Variants in C12orf50 observed in about 807,000 individuals in gnomAD.
C12orf50 encodes the protein uncharacterized protein C12orf50.
Under a neutral mutation model 61.6 loss-of-function variants are expected in C12orf50, and 35 were observed. The ratio of observed to expected loss-of-function variants is 0.57; its 90% CI spans 0.43 to 0.75. The LOEUF (loss-of-function observed/expected upper bound fraction) is 0.75. C12orf50 is among the 30% of genes least tolerant of loss of function. C12orf50 has a pLI of 0.00. For synonymous variants in C12orf50, 178 were observed against 161.5 expected (o/e 1.10, Z -0.77); for missense variants, 475 against 488.5 (o/e 0.97, Z 0.26).
chr12:88,017,438 TA>T, intron 3 of C12orf50, among the ~76,000 whole-genome samples: 1 of 152,332 alleles, frequency 6.6e-6, no homozygotes, highest in Non-Finnish European at 1.5e-5. Context: ...CTTTCTTTTG[TA>T]AATTGCTCAG....
intron 4 of C12orf50, 39 bp downstream of exon 4, chr12:87,997,996 T>C: frequency 6.5e-7 from 1 of 1,537,276 alleles, no homozygotes; most frequent in South Asian, 1.2e-5. Flanking sequence ...TGTGAGGTTT[T>C]TGAATGTGTA....
intron 3 of C12orf50, among the ~76,000 whole-genome samples, chr12:87,998,949 CAA>C (rs1257699138): frequency 1.3e-5 from 2 of 152,132 alleles, no homozygotes; most frequent in East Asian, 3.8e-4. Flanking sequence ...ACATTAGAAA[CAA>C]AAATTCATGC....
chr12:88,020,159 C>T (rs775229498), intron 3 of C12orf50, among the ~76,000 whole-genome samples: 1 of 152,166 alleles, frequency 6.6e-6, no homozygotes, highest in Non-Finnish European at 1.5e-5. Context: ...CAGCTAACAA[C>T]ATGATGACAG....
At chr12:88,009,608 C>G (rs2032021580) in intron 3 of C12orf50, among the ~76,000 whole-genome samples, 2 of 152,028 alleles carry the variant, frequency 1.3e-5, no homozygotes, top group South Asian at 4.1e-4. Context: ...GCTAAAGATG[C>G]TGCTAAACAA....
chr12:87,983,808 G>A (rs1161328936), intron 11 of C12orf50: 7 of 126,982 alleles, frequency 5.5e-5, no homozygotes, highest in Middle Eastern at 4.2e-3. Context: ...CATTTGGGTC[G>A]GTTCCAAGTC....
chr12:88,010,726 G>C (rs934076730), intron 3 of C12orf50, among the ~76,000 whole-genome samples: 1 of 151,776 alleles, frequency 6.6e-6, no homozygotes, highest in Non-Finnish European at 1.5e-5. Context: ...ATACATATCA[G>C]AAGGAGAAAG....
intron 3 of C12orf50, among the ~76,000 whole-genome samples, chr12:88,003,939 T>A (rs951388953): frequency 2.0e-5 from 3 of 152,144 alleles, no homozygotes; most frequent in Admixed American, 6.5e-5. Flanking sequence ...GTTCATCTTT[T>A]TTTTCATTTA....
Position 88,004,497 on chromosome 12 carries a change from T to A in C12orf50, c.134-6307A>T, listed in dbSNP as rs2031778324. 3.9e-5 allele frequency among the ~76,000 whole-genome samples: 6 copies of A among 152,298 alleles called. No homozygotes were observed. In the South Asian group the frequency reaches 1.0e-3, roughly 26 times the overall value. ...TTGTGGAGAGCAGTTTGGCAATTTC[T>A]CAAAGAACTTAAAACAGAAATACCA... is the stretch of plus-strand genomic sequence containing the variant. On this transcript the variant is annotated intron_variant, in intron 3 of 12. Transcript: ENST00000298699.
At chr12:88,022,777 A>G (rs780647481) in intron 3 of C12orf50, among the ~76,000 whole-genome samples, 14 of 152,198 alleles carry the variant, frequency 9.2e-5, no homozygotes, top group Non-Finnish European at 8.8e-5. Flanking sequence ...AGAATAATAT[A>G]TCTAGGAATA....
At chr12:88,010,190 G>A (rs1157729018) in intron 3 of C12orf50, among the ~76,000 whole-genome samples, 1 of 151,836 alleles carries the variant, frequency 6.6e-6, no homozygotes, top group Non-Finnish European at 1.5e-5. Context: ...TTTATCCTGT[G>A]GCCAGTGCTA....
chr12:88,016,228 T>C (rs558293444), intron 3 of C12orf50, among the ~76,000 whole-genome samples: 2 of 152,340 alleles, frequency 1.3e-5, no homozygotes, highest in African/African-American at 4.8e-5. Context: ...ATGCTCTGTA[T>C]GAACCTATAC....
chr12:88,020,382 AG>A (rs1373178534), intron 3 of C12orf50, among the ~76,000 whole-genome samples: 1 of 152,214 alleles, frequency 6.6e-6, no homozygotes, highest in African/African-American at 2.4e-5. Flanking sequence ...AAAAAATATC[AG>A]GGGTTGCAAT....
rs1288641127 is a variant in C12orf50 at position 87,995,772 on chromosome 12, G to A, written c.481+602C>T. On this transcript the variant is annotated intron_variant, in intron 6 of 12. Coordinates refer to ENST00000298699, the MANE Select transcript of C12orf50 (RefSeq NM_152589.3). ...AAGGTTTGCGGGCTCTTCTCCGTCTGATGGTGTGTTGCTGCCACCTATCGC... is the reference window on the plus strand; with the variant it reads ...AAGGTTTGCGGGCTCTTCTCCGTCTAATGGTGTGTTGCTGCCACCTATCGC... 3.3e-5 allele frequency among the ~76,000 whole-genome samples: 5 copies of A among 152,120 alleles called. No individual in the cohort carries two copies. The East Asian group carries it at 9.7e-4, about 29-fold the overall frequency.
chr12:87,985,708 C>T (rs567571398), intron 11 of C12orf50, 142 bp downstream of exon 11: 1 of 771,058 alleles, frequency 1.3e-6, no homozygotes, highest in South Asian at 1.7e-5. Context: ...TGGAAGAAAT[C>T]CTCTCACTAG....
Position 87,996,653 on chromosome 12 carries a change from G to A in C12orf50, c.290-7C>T, listed in dbSNP as rs753378651. The A allele has an allele frequency of 6.4e-7, 1 of 1,570,550 alleles. No homozygotes were observed. The highest frequency in any genetic ancestry group is 1.2e-5 in the South Asian group (1 of 86,022). Reference sequence around the variant, plus strand: ...GTCCATAAACTAGAAGCATCTATAGGATATAGATTTTTTAAATTAAATTGT... The same window carrying A: ...GTCCATAAACTAGAAGCATCTATAGAATATAGATTTTTTAAATTAAATTGT... On this transcript the variant is annotated splice_region_variant and splice_polypyrimidine_tract_variant and intron_variant, in intron 4 of 12. Coordinates refer to ENST00000298699, the MANE Select transcript of C12orf50 (RefSeq NM_152589.3).
chr12:87,983,645 GT>G (rs1183698079), intron 11 of C12orf50: 1 of 151,006 alleles, frequency 6.6e-6, no homozygotes, highest in South Asian at 2.1e-4. Context: ...GCGGTGTTTG[GT>G]TTTTTGTCCT....
chr12:87,989,489 A>C, intron 7 of C12orf50, 118 bp from the exon 8 acceptor site: 4 of 638,054 alleles, frequency 6.3e-6, no homozygotes, highest in Non-Finnish European at 8.3e-6. Context: ...GACACTTCTC[A>C]GTGATACCAT....
intron 3 of C12orf50, among the ~76,000 whole-genome samples, chr12:88,003,505 A>T (rs1192738348): frequency 6.6e-6 from 1 of 152,090 alleles, no homozygotes; most frequent in East Asian, 1.9e-4. Context: ...ACTGGCAACA[A>T]ATTCTCTCAG....
chr12:88,010,399 T>C (rs2032052755), intron 3 of C12orf50, among the ~76,000 whole-genome samples: 1 of 116,480 alleles, frequency 8.6e-6, no homozygotes. Flanking sequence ...TATTATAATC[T>C]TATAATAAGA....
Sources: gnomAD v4.1 joint callset for allele counts (sites outside exome capture counted in the v4.1 genomes callset) on GRCh38, gnomAD v4.1.1 for gene constraint, MANE v1.5 for transcripts, NCBI Gene and HGNC (gene_info 2026-07-23, HGNC 2026-07-21) for gene names.